The following MAGI1 variants were observed in gnomAD, a reference collection of about 807,000 sequenced individuals.
The protein encoded by MAGI1 is membrane-associated guanylate kinase, WW and PDZ domain-containing protein 1.
Under a neutral mutation model 139.9 loss-of-function variants are expected in MAGI1, and 58 were observed. The ratio of observed to expected loss-of-function variants is 0.41; its 90% confidence interval spans 0.34 to 0.52. The LOEUF (loss-of-function observed/expected upper bound fraction) is 0.52, where lower values mean the gene tolerates loss of function less well. MAGI1 is among the 20% of genes least tolerant of loss of function. The pLI, the probability that MAGI1 is intolerant of heterozygous loss-of-function variation, is 0.12. For synonymous variants in MAGI1, 812 were observed against 737.9 expected, an observed-to-expected ratio of 1.10 and a Z score of -1.63; for missense variants, 1,874 against 1,901.6, an observed-to-expected ratio of 0.99 and a Z score of 0.27.
chr3:65,517,279 ACTTC>A (rs895957057), intron 2 of MAGI1, among the ~76,000 whole-genome samples: 4 of 152,054 alleles, frequency 2.6e-5, no homozygotes, highest in Non-Finnish European at 5.9e-5. Flanking sequence ...TTGCTCCCAA[ACTTC>A]CTTCAAGAAT....
At chr3:65,775,650 G>C (rs1404768046) in intron 1 of MAGI1, among the ~76,000 whole-genome samples, 1 of 151,818 alleles carries the variant, frequency 6.6e-6, no homozygotes, top group Non-Finnish European at 1.5e-5. Context: ...CTTTTTAACA[G>C]TGGTTTCTGG....
At chr3:65,863,680 A>G (rs9842683) in intron 1 of MAGI1, among the ~76,000 whole-genome samples, 38,036 of 152,142 alleles carry the variant, frequency 0.25, 5,285 homozygotes, top group African/African-American at 0.33. Context: ...CTAGACTAAG[A>G]GTTCAAAGCC....
chr3:65,864,067 A>G (rs1233642251), intron 1 of MAGI1, among the ~76,000 whole-genome samples: 1 of 152,236 alleles, frequency 6.6e-6, no homozygotes, highest in Non-Finnish European at 1.5e-5. Context: ...GAGTGAATGA[A>G]TAAACATTCA....
chr3:65,641,589 C>T (rs2084987765), intron 1 of MAGI1, among the ~76,000 whole-genome samples: 1 of 152,094 alleles, frequency 6.6e-6, no homozygotes, highest in African/African-American at 2.4e-5. Flanking sequence ...AGATGAAGTG[C>T]CCTTAGCTTC....
chr3:65,541,991 G>A (rs565122435), intron 2 of MAGI1, among the ~76,000 whole-genome samples: 21 of 152,282 alleles, frequency 1.4e-4, no homozygotes, highest in Non-Finnish European at 2.8e-4. Context: ...GTCCCTGTCT[G>A]CAGATTACAT....
chr3:65,623,295 G>A (rs991978836), intron 1 of MAGI1, among the ~76,000 whole-genome samples: 14 of 152,208 alleles, frequency 9.2e-5, no homozygotes, highest in Admixed American at 3.3e-4. Context: ...TTATCTAAGT[G>A]AGTCTGTGTT....
At chr3:65,894,792 C>A (rs146733878) in intron 1 of MAGI1, among the ~76,000 whole-genome samples, 1 of 152,362 alleles carries the variant, frequency 6.6e-6, no homozygotes, top group African/African-American at 2.4e-5. Flanking sequence ...TCACCATCAA[C>A]TGCTTTTGAA....
At chr3:65,821,454 T>C (rs1183475354) in intron 1 of MAGI1, among the ~76,000 whole-genome samples, 6 of 152,296 alleles carry the variant, frequency 3.9e-5, no homozygotes, top group Admixed American at 1.3e-4. Flanking sequence ...GTCAACAGTG[T>C]CTCCTGGATG....
At chr3:65,609,893 A>C in intron 2 of MAGI1, 1 of 185,366 alleles carries the variant, frequency 5.4e-6, no homozygotes, top group South Asian at 8.1e-5. Context: ...AGTTTTTTTA[A>C]AGGGTCTCTG....
chr3:65,984,512 A>ATGTGTGTG (rs34046056), intron 1 of MAGI1, among the ~76,000 whole-genome samples: 2,890 of 140,430 alleles, frequency 0.021, 36 homozygotes, highest in East Asian at 0.042. Flanking sequence ...TCAAAATAAA[A>ATGTGTGTG]TGTGTGTGTG....
At position 65,785,348 on chromosome 3, in the gene MAGI1, G is replaced by C. The variant is rs557290895; in HGVS notation, c.314-163260C>G. ...TGATTTCATTCTTCCCCCTTTTCTT[G>C]GACGGAATGAGGTATTAGTATGTTT... On this transcript the variant is annotated intron_variant, in intron 1 of 22. Coordinates refer to ENST00000402939, the MANE Select transcript of MAGI1 (RefSeq NM_001033057.2). Among the ~76,000 whole-genome samples, 9 of 152,144 alleles carry C rather than the reference G, an allele frequency of 5.9e-5. No individual in the cohort carries two copies. In the South Asian group the frequency reaches 1.7e-3, roughly 28 times the overall value.
intron 1 of MAGI1, among the ~76,000 whole-genome samples, chr3:66,007,914 G>A (rs1395116922): frequency 1.7e-5 from 1 of 57,444 alleles, no homozygotes; most frequent in African/African-American, 5.5e-5. Context: ...TTTTTTTTTT[G>A]GACATAGAGT....
At chr3:65,595,582 C>A (rs754567673) in intron 2 of MAGI1, among the ~76,000 whole-genome samples, 6 of 152,006 alleles carry the variant, frequency 3.9e-5, no homozygotes, top group Non-Finnish European at 7.4e-5. Flanking sequence ...CAGCAAGGAT[C>A]GGGAGAGGAG....
intron 1 of MAGI1, among the ~76,000 whole-genome samples, chr3:65,969,730 T>C (rs1032229482): frequency 6.6e-6 from 1 of 152,224 alleles, no homozygotes; most frequent in Non-Finnish European, 1.5e-5. Context: ...ATATCCATCA[T>C]GTGCTGTCCA....
Position 65,559,327 on chromosome 3 carries a change from A to C in MAGI1, c.430+62645T>G, listed in dbSNP as rs184921770. On this transcript the variant is annotated intron_variant, in intron 2 of 22. Coordinates refer to ENST00000402939, the MANE Select transcript of MAGI1 (RefSeq NM_001033057.2). The stretch of plus-strand genomic sequence containing the variant: ...CTTTCTCATCCTTCATGGGTCATGA[A>C]GAAGAAGGAGGTTTTGACCACAACT... Among the ~76,000 whole-genome samples, 22 of 152,326 alleles carry C rather than the reference A, an allele frequency of 1.4e-4. 1 individual carries two copies. The East Asian group carries it at 4.1e-3, about 28-fold the overall frequency.
At chr3:65,730,410 G>A (rs1239606015) in intron 1 of MAGI1, among the ~76,000 whole-genome samples, 1 of 152,204 alleles carries the variant, frequency 6.6e-6, no homozygotes, top group Non-Finnish European at 1.5e-5. Context: ...ATTTAAAGCA[G>A]GAAGCAGGAG....
chr3:65,678,438 GA>G (rs1303667896), intron 1 of MAGI1, among the ~76,000 whole-genome samples: 5 of 152,002 alleles, frequency 3.3e-5, no homozygotes, highest in African/African-American at 4.8e-5. Context: ...TGCAAACCAA[GA>G]AATTAAATCA....
Position 65,357,064 on chromosome 3 carries a change from C to A in MAGI1, c.3703G>T (p.Asp1235Tyr), listed in dbSNP as rs747632332. Residue 1235 changes from aspartate to tyrosine, a missense_variant, in exon 23 of 23, where the codon GAC (aspartate) becomes TAC (tyrosine). Asp to Tyr is a radical substitution (Grantham distance 160). Around this residue, in one of 5 missense-constraint regions of MAGI1, gnomAD observed 653 missense variants for 644.5 expected, o/e 1.01. Coordinates refer to ENST00000402939, the MANE Select transcript of MAGI1 (RefSeq NM_001033057.2). ...QGVPEVRAGPDRRQHPSLESS... is the reference protein window; with the variant it reads ...QGVPEVRAGPYRRQHPSLESS... Reference sequence around the variant, plus strand: ...TCCAATGACGGATGCTGCCGGCGGTCGGGCCCGGCCCTCACTTCCGGAACA... The same window carrying A: ...TCCAATGACGGATGCTGCCGGCGGTAGGGCCCGGCCCTCACTTCCGGAACA... 3 of 1,614,046 alleles carry A rather than the reference C, an allele frequency of 1.9e-6. No homozygotes were observed. In the African/African-American group the frequency reaches 4.0e-5, roughly 22 times the overall value.
chr3:65,364,577 G>T, intron 20 of MAGI1, 88 bp downstream of exon 20: 9 of 1,098,856 alleles, frequency 8.2e-6, no homozygotes, highest in Non-Finnish European at 1.2e-5. Context: ...TAAATTAAAG[G>T]TGCTTCAAAA....
Sources: gnomAD v4.1 joint callset for allele counts (sites outside exome capture counted in the v4.1 genomes callset) on GRCh38, gnomAD v4.1.1 for gene constraint, gnomAD v4.1.1 regional missense constraint, MANE v1.5 for transcripts, NCBI Gene and HGNC (gene_info 2026-07-23, HGNC 2026-07-21) for gene names.